Variants in DLG1 observed in about 807,000 individuals in gnomAD.
DLG1 encodes discs large MAGUK scaffold protein 1.
In DLG1, 42 loss-of-function variants were observed where a neutral mutation model predicts 123.4. That is an observed-to-expected ratio of 0.34 (90% CI 0.27 to 0.44). The LOEUF (loss-of-function observed/expected upper bound fraction) is 0.44. Ranked by LOEUF, DLG1 falls within the 20% of genes least tolerant of loss-of-function variation. The pLI is 1.00. For missense variants in DLG1, 942 were observed against 1,082.6 expected (o/e 0.87, Z 1.82); for synonymous variants, 317 against 356.2 (o/e 0.89, Z 1.24).
At chr3:197,288,774 A>ACATACATACATACAT (rs1560172746) in intron 3 of DLG1, among the ~76,000 whole-genome samples, 1 of 149,888 alleles carries the variant, frequency 6.7e-6, no homozygotes, top group African/African-American at 2.5e-5. Context: ...ATACATACAT[A>ACATACATACATACAT]AAATGGTAGA....
intron 4 of DLG1, among the ~76,000 whole-genome samples, chr3:197,227,783 A>C (rs768776575): frequency 4.1e-4 from 62 of 152,340 alleles, no homozygotes; most frequent in Admixed American, 5.9e-4. Context: ...GAGAGAGAAA[A>C]AACTAGGTTA....
At chr3:197,261,353 A>G (rs937543637) in intron 4 of DLG1, among the ~76,000 whole-genome samples, 2 of 152,222 alleles carry the variant, frequency 1.3e-5, no homozygotes, top group African/African-American at 4.8e-5. Flanking sequence ...GAAACTGGAC[A>G]ATGGCTTGAG....
At chr3:197,232,940 G>A (rs112594256) in intron 4 of DLG1, among the ~76,000 whole-genome samples, 1 of 142,786 alleles carries the variant, frequency 7.0e-6, no homozygotes, top group Non-Finnish European at 1.5e-5. Context: ...AAACAAAGAA[G>A]GATTTACACT....
At chr3:197,076,051 A>C (rs1747041121) in intron 18 of DLG1, among the ~76,000 whole-genome samples, 1 of 152,240 alleles carries the variant, frequency 6.6e-6, no homozygotes, top group Non-Finnish European at 1.5e-5. Context: ...TGCTAACTGT[A>C]ATCTACCAAA....
At chr3:197,124,554 G>A (rs903579916) in intron 11 of DLG1, among the ~76,000 whole-genome samples, 7 of 152,104 alleles carry the variant, frequency 4.6e-5, no homozygotes, top group South Asian at 2.1e-4. Flanking sequence ...GATTACAGGC[G>A]TGAGCCACCG....
rs769021454 is a variant in DLG1 at position 197,066,728 on chromosome 3, A to T, written c.2074T>A (p.Tyr692Asn). Reference protein sequence around the residue: ...YRGQEEYVLSYEPVNQQEVNY... With the variant: ...YRGQEEYVLSNEPVNQQEVNY... ...CCTTCTTGTTGATTCACTGGTTCAT[A>T]AGATAAGACGTATTCTTCTTGACCA... The change falls in exon 20 of 25, where the codon TAT (tyrosine) becomes AAT (asparagine). Residue 692 changes from tyrosine to asparagine, a missense_variant. Transcript: ENST00000667157. 1 of 1,606,020 alleles carries T rather than the reference A, an allele frequency of 6.2e-7. No individual in the cohort carries two copies. Among genetic ancestry groups the T allele is most frequent in the South Asian group, 1.1e-5 (1 of 90,358 alleles).
rs1281908653 is a variant in DLG1, at chr3:197,136,644, A to G, written c.918T>C (p.Asn306=). The G allele has an allele frequency of 6.2e-7, 1 of 1,613,174 alleles. No individual in the cohort carries two copies. Among genetic ancestry groups the G allele is most frequent in the South Asian group, 1.1e-5 (1 of 90,960 alleles). ...TGCTATTATCCCCAGGAATATGCTG[A>G]TTTCCAACACCTCCAGCAATGCTAA... The part of the protein sequence containing the change: ...LGFSIAGGVG[N]QHIPGDNSIY... Residue 306 remains asparagine (N), a synonymous_variant, in exon 10 of 25, where the codon AAT becomes AAC. Coordinates refer to ENST00000667157, the MANE Select transcript of DLG1 (RefSeq NM_001366207.1).
chr3:197,225,751 C>T (rs1739549055), intron 4 of DLG1: 2 of 152,618 alleles, frequency 1.3e-5, no homozygotes, highest in Non-Finnish European at 2.9e-5. Context: ...GAATCTATTA[C>T]ATGAATTAAA....
intron 13 of DLG1, among the ~76,000 whole-genome samples, chr3:197,108,029 T>C (rs1392727402): frequency 1.3e-5 from 2 of 152,196 alleles, no homozygotes; most frequent in African/African-American, 4.8e-5. Flanking sequence ...TGAAAAGCTG[T>C]TGGTTTATGA....
chr3:197,185,230 T>A (rs1431699860), intron 5 of DLG1, among the ~76,000 whole-genome samples: 1 of 152,228 alleles, frequency 6.6e-6, no homozygotes, highest in East Asian at 1.9e-4. Context: ...ACTGACAGAA[T>A]CTTCCTTGTC....
intron 14 of DLG1, among the ~76,000 whole-genome samples, chr3:197,094,489 T>C (rs762028212): frequency 5.9e-5 from 9 of 152,234 alleles, no homozygotes; most frequent in Non-Finnish European, 1.2e-4. Context: ...TATCCTTTTA[T>C]ATCCAGTTAA....
chr3:197,128,112 T>C (rs1780726313), intron 11 of DLG1, among the ~76,000 whole-genome samples: 1 of 152,208 alleles, frequency 6.6e-6, no homozygotes, highest in Admixed American at 6.5e-5. Flanking sequence ...TACAAAAGAT[T>C]TCCCTGAAGC....
At chr3:197,293,495 T>C (rs1258443563) in intron 3 of DLG1, among the ~76,000 whole-genome samples, 1 of 152,122 alleles carries the variant, frequency 6.6e-6, no homozygotes, top group African/African-American at 2.4e-5. Flanking sequence ...ATACCAGATA[T>C]TGAAATATTT....
At position 197,277,093 on chromosome 3, in the gene DLG1, T is replaced by C. The variant is rs11710440; in HGVS notation, c.318+5586A>G. Among the ~76,000 whole-genome samples the C allele has an allele frequency of 2.6e-3, 400 of 152,192 alleles. 3 individuals are homozygous for C. Among genetic ancestry groups the C allele is most frequent in the South Asian group, 6.2e-3 (30 of 4,822 alleles). On this transcript the variant is annotated intron_variant, in intron 4 of 24. Coordinates refer to ENST00000667157, the MANE Select transcript of DLG1 (RefSeq NM_001366207.1). Reference sequence around the variant, plus strand: ...TTTTTGTAGAGATGGAGTTTCACCATGTTTCCCAGGCTGGTTTCGAACTTC... The same window carrying C: ...TTTTTGTAGAGATGGAGTTTCACCACGTTTCCCAGGCTGGTTTCGAACTTC...
chr3:197,058,861 T>C (rs923588741), intron 23 of DLG1, among the ~76,000 whole-genome samples: 3 of 152,250 alleles, frequency 2.0e-5, no homozygotes, highest in African/African-American at 7.2e-5. Context: ...GAGAATGCTA[T>C]GAAGTGCAAA....
intron 15 of DLG1, among the ~76,000 whole-genome samples, chr3:197,087,305 G>A (rs939563511): frequency 6.6e-6 from 1 of 150,590 alleles, no homozygotes; most frequent in African/African-American, 2.4e-5. Context: ...TTTATAAAGA[G>A]GTATTCTGTA....
chr3:197,109,629 T>C (rs1215440661), intron 13 of DLG1, among the ~76,000 whole-genome samples: 3 of 152,354 alleles, frequency 2.0e-5, no homozygotes, highest in East Asian at 3.9e-4. Flanking sequence ...AGTTACTCTC[T>C]AGTTTCCTTT....
At position 197,296,284 on chromosome 3, in the gene DLG1, AAATG is replaced by A. The variant is rs531651463; in HGVS notation, c.151+58_151+61del. The A allele has an allele frequency of 5.4e-5, 80 of 1,474,664 alleles. No homozygotes were observed. In the African/African-American group the frequency reaches 9.8e-4, roughly 18 times the overall value. The allele number at this position is 1,474,664 out of a possible 1,614,324, so 91.3% of individuals were successfully genotyped here. On this transcript the variant is annotated intron_variant, in intron 3 of 24. Coordinates refer to ENST00000667157, the MANE Select transcript of DLG1 (RefSeq NM_001366207.1). ...TACATCATTTTCTTAAGTTTAAAAT[AAATG>A]AATTGAGAGGAGCATAAAGCCTAGC... is the stretch of plus-strand genomic sequence containing the variant.
chr3:197,234,617 C>T (rs1450270286), intron 4 of DLG1, among the ~76,000 whole-genome samples: 1 of 151,916 alleles, frequency 6.6e-6, no homozygotes, highest in Non-Finnish European at 1.5e-5. Context: ...TGCCTTTTAG[C>T]AAAACAAACA....
Sources: allele counts gnomAD v4.1 joint callset (sites outside exome capture counted in the v4.1 genomes callset), GRCh38; gene constraint gnomAD v4.1.1; transcripts MANE v1.5; gene names NCBI Gene and HGNC (gene_info 2026-07-23, HGNC 2026-07-21).